SUPT20H: variants seen among roughly 807,000 people sequenced by gnomAD.
SUPT20H encodes the protein transcription factor SPT20 homolog.
Under a neutral mutation model 122.8 loss-of-function variants are expected in SUPT20H, and 82 were observed. The ratio of observed to expected loss-of-function variants is 0.67; its 90% CI spans 0.56 to 0.80. SUPT20H has a LOEUF of 0.80. Ranked by LOEUF, SUPT20H falls within the 30% of genes least tolerant of loss-of-function variation. The pLI is 0.00. For synonymous variants in SUPT20H, 291 were observed against 313.0 expected, an observed-to-expected ratio of 0.93 and a Z score of 0.74; for missense variants, 831 against 921.6, an observed-to-expected ratio of 0.90 and a Z score of 1.27.
At chr13:37,044,939 T>C (rs75390573) in intron 6 of SUPT20H, among the ~76,000 whole-genome samples, 3,775 of 152,198 alleles carry the variant, frequency 0.025, 115 homozygotes, top group African/African-American at 0.075. Context: ...TATGCCTCTA[T>C]AATTTTCCTT....
At chr13:37,019,421 T>C (rs1450065486) in intron 21 of SUPT20H, 24 bp from the exon 22 acceptor site, 2 of 1,548,590 alleles carry the variant, frequency 1.3e-6, no homozygotes, top group South Asian at 1.2e-5. Flanking sequence ...CTCATGGTTA[T>C]AACAGAATTG....
At position 37,012,262 on chromosome 13, in the gene SUPT20H, G is replaced by A. The variant is rs1056154317; in HGVS notation, c.2028C>T (p.Ala676=). The A allele has an allele frequency of 7.4e-6, 12 of 1,613,388 alleles. No individual in the cohort carries two copies. The highest frequency in any genetic ancestry group is 8.5e-6 in the Non-Finnish European group (10 of 1,179,522). ...TAACAGCAGCTTGCTGAGCAGATAA[G>A]GCCTGTTCTTGACTGGTTGAACCTT... ...SEQGSTSQEQ[A]LSAQQAAVIN... The change falls in exon 24 of 26, where the codon GCC becomes GCT. Residue 676 remains alanine (A), a synonymous_variant. Transcript: ENST00000350612.
At chr13:37,058,117 T>G (rs2069624706) in intron 1 of SUPT20H, among the ~76,000 whole-genome samples, 1 of 151,506 alleles carries the variant, frequency 6.6e-6, no homozygotes, top group African/African-American at 2.4e-5. Flanking sequence ...AAATTAAAAA[T>G]TAGCCGGGTG....
intron 3 of SUPT20H, 67 bp from the exon 4 acceptor site, chr13:37,048,003 A>AT: frequency 7.9e-7 from 1 of 1,263,518 alleles, no homozygotes; most frequent in East Asian, 2.4e-5. Context: ...TGTATTGAGT[A>AT]TATCTAAAAC....
chr13:37,050,418 TA>T (rs930732061), intron 2 of SUPT20H, among the ~76,000 whole-genome samples: 11 of 151,648 alleles, frequency 7.3e-5, no homozygotes, highest in Non-Finnish European at 1.3e-4. Context: ...GGATTCAAGT[TA>T]AGATTCCTGA....
Position 37,029,777 on chromosome 13 carries a change from G to C in SUPT20H, c.981C>G (p.Val327=). The stretch of plus-strand genomic sequence containing the variant: ...AATGATTTCTTACATGGGCTGGCCA[G>C]ACTGTTGGCTGTGAGTCATCAGATT... The part of the protein sequence containing the change: ...SIKSDDSQPT[V]WPAHDVKDDY... The change falls in exon 13 of 26, where the codon GTC becomes GTG. Residue 327 remains valine (V), a synonymous_variant. Coordinates refer to ENST00000350612, the MANE Select transcript of SUPT20H (RefSeq NM_001014286.3). The C allele has an allele frequency of 6.3e-7, 1 of 1,599,730 alleles. No individual in the cohort carries two copies. The highest frequency in any genetic ancestry group is 8.5e-7 in the Non-Finnish European group (1 of 1,174,134).
intron 22 of SUPT20H, among the ~76,000 whole-genome samples, chr13:37,018,271 AT>A (rs1555268132): frequency 6.6e-6 from 1 of 152,208 alleles, no homozygotes; most frequent in Non-Finnish European, 1.5e-5. Flanking sequence ...AAACTAAAGG[AT>A]TTCCATTCCT....
At chr13:37,010,226 A>G (rs2059354778) in intron 25 of SUPT20H, among the ~76,000 whole-genome samples, 1 of 152,216 alleles carries the variant, frequency 6.6e-6, no homozygotes, top group Admixed American at 6.5e-5. Flanking sequence ...TACTAATAGG[A>G]ACACTTTTCT....
In SUPT20H at chr13:37,022,139, G is replaced by A. The variant is rs1271688797; in HGVS notation, c.1592-59C>T. Reference sequence around the variant, plus strand: ...GAATGGTTGTTACAGGCATTGCCTGGCTCAGAGACCTTTGCTGCTGAGCAA... The same window carrying A: ...GAATGGTTGTTACAGGCATTGCCTGACTCAGAGACCTTTGCTGCTGAGCAA... On this transcript the variant is annotated intron_variant, in intron 19 of 25. Coordinates refer to ENST00000350612, the MANE Select transcript of SUPT20H (RefSeq NM_001014286.3). The surrounding 1 kb of genome is among the most constrained non-coding windows in gnomAD (Gnocchi z 4.5). The A allele has an allele frequency of 6.2e-7, 1 of 1,614,066 alleles. No homozygotes were observed. The highest frequency in any genetic ancestry group is 2.2e-5 in the East Asian group (1 of 44,880).
At position 37,017,349 on chromosome 13, in the gene SUPT20H, G is replaced by C; in HGVS notation, c.1888C>G (p.Leu630Val). ...TGCTGCTGCAGAGTGTTAAAAATAA[G>C]TGAACCACCTGGAAGCTATTAAGAA... ...LNLLQLPGGSLIFNTLQQQQQ... is the reference protein window; with the variant it reads ...LNLLQLPGGSVIFNTLQQQQQ... Residue 630 changes from leucine to valine, a missense_variant, in exon 23 of 26, where the codon CTT (leucine) becomes GTT (valine). Leu to Val is a conservative substitution (Grantham distance 32, BLOSUM62 1). Transcript: ENST00000350612. 4 of 1,613,612 alleles carry C rather than the reference G, an allele frequency of 2.5e-6. No individual in the cohort carries two copies. Among genetic ancestry groups the C allele is most frequent in the Non-Finnish European group, 3.4e-6 (4 of 1,179,846 alleles).
At chr13:37,020,450 C>G (rs533765846) in intron 21 of SUPT20H, among the ~76,000 whole-genome samples, 1 of 152,104 alleles carries the variant, frequency 6.6e-6, no homozygotes, top group East Asian at 1.9e-4. Flanking sequence ...CACTTTAGAG[C>G]AAACTGAACT....
chr13:37,036,549 T>C (rs1276627913), intron 9 of SUPT20H, among the ~76,000 whole-genome samples: 1 of 152,134 alleles, frequency 6.6e-6, no homozygotes, highest in Non-Finnish European at 1.5e-5. Context: ...CTCGATCTCC[T>C]GCCCTCATGA....
chr13:37,019,933 T>C (rs1310769619), intron 21 of SUPT20H, among the ~76,000 whole-genome samples: 1 of 152,200 alleles, frequency 6.6e-6, no homozygotes, highest in Non-Finnish European at 1.5e-5. Flanking sequence ...TTTAAACTTA[T>C]TCCTAAAAAA....
chr13:37,011,573 G>A (rs898819632), intron 24 of SUPT20H, among the ~76,000 whole-genome samples: 3 of 152,000 alleles, frequency 2.0e-5, no homozygotes, highest in African/African-American at 7.3e-5. Context: ...TTAATTAAGT[G>A]TGAAGTTAGA....
chr13:37,024,280 G>C, intron 18 of SUPT20H, 60 bp downstream of exon 18: 1 of 1,523,414 alleles, frequency 6.6e-7, no homozygotes, highest in South Asian at 1.3e-5. Context: ...GTTTTAAAAA[G>C]AGATTATGAT....
chr13:37,031,851 T>C lies in SUPT20H; in HGVS notation c.752A>G (p.Asp251Gly). The change falls in exon 11 of 26, where the codon GAT becomes GGT. Residue 251 changes from aspartate to glycine, a missense_variant. By Grantham distance (94) the Asp-to-Gly change is moderately conservative. Coordinates refer to ENST00000350612, the MANE Select transcript of SUPT20H (RefSeq NM_001014286.3). Reference sequence around the variant, plus strand: ...AGGAGGAGGTGGACAATGAGATAGATCTTGCTGCCGATTCAGAGAGGATCT... The same window carrying C: ...AGGAGGAGGTGGACAATGAGATAGACCTTGCTGCCGATTCAGAGAGGATCT... ...YSRSSLNRQQDLSHCPPPPQL... is the reference protein window; with the variant it reads ...YSRSSLNRQQGLSHCPPPPQL... The C allele has an allele frequency of 1.2e-6, 2 of 1,604,814 alleles. No individual in the cohort carries two copies. The highest frequency in any genetic ancestry group is 1.7e-6 in the Non-Finnish European group (2 of 1,177,362).
At chr13:37,016,746 A>C (rs566109518) in intron 23 of SUPT20H, among the ~76,000 whole-genome samples, 1 of 152,284 alleles carries the variant, frequency 6.6e-6, no homozygotes, top group Non-Finnish European at 1.5e-5. Flanking sequence ...AGTGTACCCA[A>C]AGTTTAGAAA....
intron 17 of SUPT20H, 83 bp from the exon 18 acceptor site, chr13:37,024,525 T>C: frequency 4.2e-6 from 4 of 953,452 alleles, no homozygotes; most frequent in South Asian, 5.8e-5. Flanking sequence ...AACTTCATAG[T>C]TTATTAAATA....
intron 1 of SUPT20H, among the ~76,000 whole-genome samples, chr13:37,058,005 C>T (rs1436207749): frequency 5.7e-5 from 8 of 140,412 alleles, no homozygotes; most frequent in African/African-American, 2.1e-4. Flanking sequence ...TTGGCTGGGG[C>T]GGTGGCTCAG....
Sources: gnomAD v4.1 joint callset for allele counts (sites outside exome capture counted in the v4.1 genomes callset) on GRCh38, gnomAD v4.1.1 for gene constraint, Gnocchi (gnomAD v3.1) non-coding constraint, MANE v1.5 for transcripts, NCBI Gene and HGNC (gene_info 2026-07-23, HGNC 2026-07-21) for gene names.